Variants in KAZN observed in about 807,000 individuals in gnomAD.
KAZN encodes kazrin.
A neutral mutation model predicts 87.4 loss-of-function variants in KAZN; 40 were observed. The ratio of observed to expected loss-of-function variants is 0.46; its 90% CI spans 0.36 to 0.60. The LOEUF is 0.60. Ranked by LOEUF, KAZN falls within the 20% of genes least tolerant of loss-of-function variation. The pLI, the probability that KAZN is intolerant of heterozygous loss-of-function variation, is 0.00. For synonymous variants in KAZN, 466 were observed against 458.3 expected (o/e 1.02, Z -0.22); for missense variants, 898 against 1,073.9 (o/e 0.84, Z 2.29).
intron 2 of KAZN, among the ~76,000 whole-genome samples, chr1:14,297,952 GCGCGGTA>G (rs1654253879): frequency 1.3e-5 from 2 of 152,292 alleles, no homozygotes; most frequent in African/African-American, 4.8e-5. Flanking sequence ...TTGAAGCTGG[GCGCGGTA>G]TCACGCCTCT....
At chr1:14,384,264 G>A (rs1661657324) in intron 2 of KAZN, among the ~76,000 whole-genome samples, 1 of 151,882 alleles carries the variant, frequency 6.6e-6, no homozygotes, top group Non-Finnish European at 1.5e-5. Flanking sequence ...TCTGCAAACA[G>A]GGATAATTTG....
intron 1 of KAZN, among the ~76,000 whole-genome samples, chr1:14,612,895 A>G (rs769750078): frequency 1.3e-5 from 2 of 151,928 alleles, no homozygotes; most frequent in African/African-American, 4.8e-5. Context: ...CTTAGATAGA[A>G]CTCTTGGTTA....
At chr1:14,315,208 A>G (rs1285933768) in intron 2 of KAZN, among the ~76,000 whole-genome samples, 2 of 152,110 alleles carry the variant, frequency 1.3e-5, no homozygotes, top group African/African-American at 2.4e-5. Context: ...AAAACCACAG[A>G]AGAAATGTTC....
intron 2 of KAZN, among the ~76,000 whole-genome samples, chr1:14,264,184 A>T (rs1651299064): frequency 6.6e-6 from 1 of 152,142 alleles, no homozygotes; most frequent in Non-Finnish European, 1.5e-5. Context: ...TTCTTTCTGC[A>T]GGTTCTAAAC....
chr1:14,134,969 G>GCACA (rs35930772), intron 1 of KAZN, among the ~76,000 whole-genome samples: 2 of 99,072 alleles, frequency 2.0e-5, no homozygotes, highest in East Asian at 3.8e-4. Context: ...ATATGCACCC[G>GCACA]CACACACACA....
chr1:14,883,226 C>T (rs1425958593), intron 1 of KAZN, among the ~76,000 whole-genome samples: 5 of 149,836 alleles, frequency 3.3e-5, no homozygotes, highest in African/African-American at 9.8e-5. Flanking sequence ...ACCCAGGAGG[C>T]GGAGGTTGCG....
At chr1:14,072,842 G>A (rs1452803911) in intron 1 of KAZN, among the ~76,000 whole-genome samples, 1 of 152,134 alleles carries the variant, frequency 6.6e-6, no homozygotes, top group African/African-American at 2.4e-5. Context: ...CTGGCACCTA[G>A]GGATGCCCAG....
At chr1:14,383,290 C>T (rs1230056689) in intron 2 of KAZN, among the ~76,000 whole-genome samples, 2 of 149,372 alleles carry the variant, frequency 1.3e-5, no homozygotes, top group Non-Finnish European at 3.0e-5. Flanking sequence ...ATGGTAGTTT[C>T]TTTTGCTGTG....
At chr1:14,182,042 G>A (rs776234889) in intron 2 of KAZN, among the ~76,000 whole-genome samples, 13 of 152,022 alleles carry the variant, frequency 8.6e-5, no homozygotes, top group Admixed American at 2.0e-4. Context: ...TGCTCCCACC[G>A]AGTGCCTAAT....
chr1:14,799,162 G>A (rs1206421966), intron 1 of KAZN, among the ~76,000 whole-genome samples: 1 of 152,130 alleles, frequency 6.6e-6, no homozygotes, highest in Non-Finnish European at 1.5e-5. Flanking sequence ...TTGTGGCATT[G>A]TTTGTTACTG....
At chr1:13,971,556 C>A (rs145316658) in intron 1 of KAZN, among the ~76,000 whole-genome samples, 1 of 152,072 alleles carries the variant, frequency 6.6e-6, no homozygotes, top group Admixed American at 6.6e-5. Context: ...GTGTGCTTCT[C>A]CAGTTTAAGG....
chr1:14,283,071 A>C (rs1652973543), intron 2 of KAZN, among the ~76,000 whole-genome samples: 1 of 152,198 alleles, frequency 6.6e-6, no homozygotes, highest in African/African-American at 2.4e-5. Flanking sequence ...AGCAAACCAC[A>C]ATTAGCAGTA....
At chr1:14,970,443 C>T (rs980322196) in intron 2 of KAZN, among the ~76,000 whole-genome samples, 8 of 152,188 alleles carry the variant, frequency 5.3e-5, no homozygotes, top group African/African-American at 1.4e-4. Context: ...GCCCTGAAGT[C>T]TGGGGTTCTG....
chr1:14,409,944 A>C (rs1226198625), intron 2 of KAZN, among the ~76,000 whole-genome samples: 1 of 152,232 alleles, frequency 6.6e-6, no homozygotes, highest in Non-Finnish European at 1.5e-5. Flanking sequence ...GTCATAATTA[A>C]AATTGTCTGA....
chr1:14,744,639 G>A (rs1490167096), intron 1 of KAZN, among the ~76,000 whole-genome samples: 1 of 152,164 alleles, frequency 6.6e-6, no homozygotes, highest in East Asian at 1.9e-4. Context: ...GGGAGGCTGA[G>A]GCAGGAAGAT....
chr1:14,167,648 T>TG (rs909927655), intron 1 of KAZN, among the ~76,000 whole-genome samples: 22 of 151,940 alleles, frequency 1.4e-4, no homozygotes, highest in African/African-American at 4.6e-4. Flanking sequence ...GCTTGCACCC[T>TG]GGGGGTGGAG....
At chr1:14,275,891 T>C (rs1652305405) in intron 2 of KAZN, among the ~76,000 whole-genome samples, 1 of 152,194 alleles carries the variant, frequency 6.6e-6, no homozygotes, top group South Asian at 2.1e-4. Flanking sequence ...TATCAGGGCA[T>C]AGAGTGGATT....
chr1:14,470,048 T>C (rs1557741983), intron 2 of KAZN, among the ~76,000 whole-genome samples: 1 of 152,224 alleles, frequency 6.6e-6, no homozygotes, highest in Non-Finnish European at 1.5e-5. Flanking sequence ...GGAGCAAAGC[T>C]GTTGTTATTG....
At chr1:14,462,517 T>C (rs1667910777) in intron 2 of KAZN, among the ~76,000 whole-genome samples, 1 of 152,170 alleles carries the variant, frequency 6.6e-6, no homozygotes, top group Admixed American at 6.5e-5. Context: ...GTCCTTTTGC[T>C]TGGGGGGCTT....
Sources: allele counts gnomAD v4.1 joint callset (sites outside exome capture counted in the v4.1 genomes callset), GRCh38; gene constraint gnomAD v4.1.1; transcripts MANE v1.5; gene names NCBI Gene and HGNC (gene_info 2026-07-23, HGNC 2026-07-21).